NHERF2: variants seen among roughly 807,000 people sequenced by gnomAD.
NHERF2 encodes the protein NHERF family PDZ scaffold protein 2.
At chr16:2,031,100 C>T in the NHERF2 span, among the ~76,000 whole-genome samples, 4 of 152,226 alleles carry the variant, frequency 2.6e-5, no homozygotes, top group African/African-American at 7.2e-5. Flanking sequence ...CTTTCCCAGA[C>T]GTCACTGCTG....
chr16:2,037,932 G>T, the NHERF2 span: 1 of 1,613,266 alleles, frequency 6.2e-7, no homozygotes, highest in Non-Finnish European at 8.5e-7. Flanking sequence ...GTCAACAAGC[G>T]CGCGCCACAG....
the NHERF2 span, chr16:2,029,625 T>C: frequency 6.3e-7 from 1 of 1,579,724 alleles, no homozygotes; most frequent in African/African-American, 1.3e-5. Context: ...ACTCGGCTGC[T>C]GGTGGTGGAC....
chr16:2,027,817 C>A, the NHERF2 span, among the ~76,000 whole-genome samples: 2 of 152,194 alleles, frequency 1.3e-5, no homozygotes, highest in Non-Finnish European at 2.9e-5. Flanking sequence ...GTGTACTCAT[C>A]ACTGTCTGCA....
At chr16:2,036,353 C>T in the NHERF2 span, 5 of 1,610,698 alleles carry the variant, frequency 3.1e-6, no homozygotes, top group South Asian at 5.5e-5. Context: ...GGGAGCTGCG[C>T]CCTCGGCTCT....
At chr16:2,038,471 T>G in the NHERF2 span, 3 of 355,062 alleles carry the variant, frequency 8.4e-6, no homozygotes, top group South Asian at 5.7e-5. Context: ...AAAACAAACC[T>G]TTCTCTGCAA....
the NHERF2 span, chr16:2,035,939 G>C: frequency 4.7e-6 from 1 of 212,616 alleles, no homozygotes; most frequent in Admixed American, 5.6e-5. Flanking sequence ...CTGGAGGAGA[G>C]CCCGGGGCAG....
At chr16:2,033,041 G>T in the NHERF2 span, 2 of 1,267,434 alleles carry the variant, frequency 1.6e-6, no homozygotes, top group Non-Finnish European at 2.0e-6. Context: ...TGTGTTCTGG[G>T]GCCGGGACTC....
chr16:2,028,137 C>T, the NHERF2 span, among the ~76,000 whole-genome samples: 6 of 152,224 alleles, frequency 3.9e-5, no homozygotes. Context: ...CTGTCCCTCA[C>T]AGCACCGATG....
At chr16:2,028,027 G>A in the NHERF2 span, among the ~76,000 whole-genome samples, 2 of 152,196 alleles carry the variant, frequency 1.3e-5, no homozygotes, top group African/African-American at 4.8e-5. Flanking sequence ...TTCTCTGTGG[G>A]TTCTGACCCC....
At chr16:2,036,365 C>T in the NHERF2 span, 1 of 1,610,568 alleles carries the variant, frequency 6.2e-7, no homozygotes, top group Admixed American at 1.7e-5. Flanking sequence ...CTCGGCTCTG[C>T]CACCTGCGAA....
At chr16:2,031,247 C>T in the NHERF2 span, among the ~76,000 whole-genome samples, 4 of 152,170 alleles carry the variant, frequency 2.6e-5, no homozygotes, top group Non-Finnish European at 5.9e-5. Flanking sequence ...GGCTTGAGGG[C>T]GGGCCACAGT....
the NHERF2 span, chr16:2,037,793 C>T: frequency 6.4e-7 from 1 of 1,560,932 alleles, no homozygotes; most frequent in Admixed American, 1.9e-5. Flanking sequence ...CTAGGGCTCA[C>T]TCCAGACACC....
chr16:2,027,400 G>T, the NHERF2 span, among the ~76,000 whole-genome samples: 2 of 151,968 alleles, frequency 1.3e-5, no homozygotes, highest in African/African-American at 4.8e-5. Context: ...CACGGGGGTG[G>T]GGGGGGGCAT....
the NHERF2 span, chr16:2,035,580 G>A: frequency 1.0e-6 from 1 of 987,272 alleles, no homozygotes; most frequent in South Asian, 4.7e-5. Flanking sequence ...AGCACGGGCA[G>A]CCGCTGGCCA....
chr16:2,032,022 C>CTT, the NHERF2 span, among the ~76,000 whole-genome samples: 6 of 141,870 alleles, frequency 4.2e-5, no homozygotes, highest in East Asian at 1.0e-3. This position sits in a 1 kb window ranked among gnomAD's most constrained non-coding sequence, Gnocchi z 4.0. Flanking sequence ...TTCTTTCTTT[C>CTT]TTTTTTTTTT....
At chr16:2,029,464 C>T in the NHERF2 span, 10 of 946,760 alleles carry the variant, frequency 1.1e-5, no homozygotes, top group Admixed American at 8.6e-5. Flanking sequence ...GTGCAGCCAC[C>T]CGCCCATGCA....
the NHERF2 span, among the ~76,000 whole-genome samples, chr16:2,035,137 T>C: frequency 6.6e-6 from 1 of 152,008 alleles, no homozygotes; most frequent in Non-Finnish European, 1.5e-5. Flanking sequence ...AGATGAGGCA[T>C]CTGGCAGGCT....
At chr16:2,034,817 C>G in the NHERF2 span, among the ~76,000 whole-genome samples, 1 of 151,200 alleles carries the variant, frequency 6.6e-6, no homozygotes, top group African/African-American at 2.4e-5. Flanking sequence ...TGTCCCCACG[C>G]CTTCCCTGCG....
chr16:2,036,247 TGGC>T, the NHERF2 span: 2 of 1,428,548 alleles, frequency 1.4e-6, no homozygotes, highest in South Asian at 1.3e-5. Context: ...GTTTGGGCAG[TGGC>T]GGCACCACCG....
Sources: allele counts gnomAD v4.1 joint callset (sites outside exome capture counted in the v4.1 genomes callset), GRCh38; gene constraint gnomAD v4.1.1; non-coding constraint Gnocchi (gnomAD v3.1); transcripts MANE v1.5; gene names NCBI Gene and HGNC (gene_info 2026-07-23, HGNC 2026-07-21).